MAD1L1: variants seen among roughly 807,000 people sequenced by gnomAD.
MAD1L1 encodes mitotic arrest deficient 1 like 1.
A neutral mutation model predicts 96.9 loss-of-function variants in MAD1L1; 95 were observed. The ratio of observed to expected loss-of-function variants is 0.98; its 90% CI spans 0.83 to 1.16. The LOEUF (loss-of-function observed/expected upper bound fraction) is 1.16. Ranked by LOEUF, MAD1L1 falls within the 50% of genes most tolerant of loss-of-function variation. The pLI is 0.00. For missense variants in MAD1L1, 1,007 were observed against 954.4 expected (o/e 1.06, Z -0.73); for synonymous variants, 473 against 396.6 (o/e 1.19, Z -2.29).
intron 18 of MAD1L1, among the ~76,000 whole-genome samples, chr7:1,856,701 C>T (rs915612305): frequency 9.2e-5 from 14 of 152,188 alleles, no homozygotes; most frequent in Non-Finnish European, 1.6e-4. Flanking sequence ...GGCATAGCCC[C>T]GCCGCGCTCC....
chr7:2,150,376 A>G (rs1029212154), intron 10 of MAD1L1, among the ~76,000 whole-genome samples: 2 of 152,110 alleles, frequency 1.3e-5, no homozygotes, highest in African/African-American at 2.4e-5. Context: ...AACCTCACGC[A>G]CTGGGCCCGA....
At chr7:2,075,419 G>A (rs1785329554) in intron 11 of MAD1L1, among the ~76,000 whole-genome samples, 2 of 152,226 alleles carry the variant, frequency 1.3e-5, no homozygotes, top group African/African-American at 4.8e-5. Context: ...TGTTGGGGAT[G>A]TTCTCTCTGT....
In MAD1L1 at chr7:2,016,086, T is replaced by C. The variant is rs371688055; in HGVS notation, c.1219-1444A>G. On this transcript the variant is annotated intron_variant, in intron 12 of 18. Coordinates refer to ENST00000265854, the MANE Select transcript of MAD1L1 (RefSeq NM_001013836.2). ...TTTGTTGATAAGATGGGAAATGGGG[T>C]GGCCATGAAGACTGATGCTGTCAGG... Among the ~76,000 whole-genome samples the C allele has an allele frequency of 1.9e-4, 29 of 152,162 alleles. 1 individual carries two copies. Among genetic ancestry groups the C allele is most frequent in the African/African-American group, 6.3e-4 (26 of 41,516 alleles).
intron 18 of MAD1L1, among the ~76,000 whole-genome samples, chr7:1,887,008 G>A (rs951344406): frequency 2.6e-5 from 4 of 152,264 alleles, no homozygotes; most frequent in South Asian, 2.1e-4. Context: ...GCGGCAGGGA[G>A]AACAGGAAGA....
intron 11 of MAD1L1, among the ~76,000 whole-genome samples, chr7:2,084,748 C>G (rs1212240288): frequency 6.6e-6 from 1 of 152,178 alleles, no homozygotes; most frequent in Non-Finnish European, 1.5e-5. Context: ...CCCCAGATAA[C>G]CCTGGGAGCC....
chr7:1,914,413 C>A (rs930629853), intron 17 of MAD1L1, among the ~76,000 whole-genome samples: 3 of 152,206 alleles, frequency 2.0e-5, no homozygotes, highest in Non-Finnish European at 4.4e-5. Flanking sequence ...GGAAAGTCGG[C>A]TAGAGATCCG....
At chr7:1,851,031 C>T (rs1262934480) in intron 18 of MAD1L1, among the ~76,000 whole-genome samples, 2 of 152,368 alleles carry the variant, frequency 1.3e-5, no homozygotes, top group South Asian at 2.1e-4. Flanking sequence ...CTGCGTCCAC[C>T]GTGGCAGCCC....
At chr7:1,889,792 A>C (rs1786424238) in intron 18 of MAD1L1, among the ~76,000 whole-genome samples, 1 of 151,990 alleles carries the variant, frequency 6.6e-6, no homozygotes, top group South Asian at 2.1e-4. Flanking sequence ...CTCACCTTCT[A>C]AGCAAGCATG....
intron 12 of MAD1L1, among the ~76,000 whole-genome samples, chr7:2,050,730 TACCCC>T (rs561035152): frequency 0.02 from 3,029 of 152,252 alleles, 105 homozygotes; most frequent in African/African-American, 0.069. Context: ...AGCAGCCCAG[TACCCC>T]CGAGGGCGGC....
At chr7:1,830,343 G>T (rs1019212547) in intron 18 of MAD1L1, among the ~76,000 whole-genome samples, 2 of 152,206 alleles carry the variant, frequency 1.3e-5, no homozygotes, top group African/African-American at 4.8e-5. Context: ...GTTGCAGTGA[G>T]CCGAGATCGT....
intron 12 of MAD1L1, among the ~76,000 whole-genome samples, chr7:2,053,565 G>T (rs970331749): frequency 6.6e-6 from 1 of 152,224 alleles, no homozygotes; most frequent in African/African-American, 2.4e-5. Context: ...CCTGGCGGGC[G>T]GCAGGAAAGC....
chr7:1,981,600 G>A (rs1214160119), intron 14 of MAD1L1, among the ~76,000 whole-genome samples: 1 of 152,142 alleles, frequency 6.6e-6, no homozygotes, highest in Non-Finnish European at 1.5e-5. Context: ...CCAAAGCCCA[G>A]CTCACTCCGT....
At chr7:1,869,497 C>G (rs1050832261) in intron 18 of MAD1L1, among the ~76,000 whole-genome samples, 1 of 151,708 alleles carries the variant, frequency 6.6e-6, no homozygotes, top group Non-Finnish European at 1.5e-5. Context: ...AGCAGGTGAC[C>G]TCCCCAGGGC....
intron 18 of MAD1L1, among the ~76,000 whole-genome samples, chr7:1,866,366 C>CTGCT (rs934856476): frequency 2.0e-5 from 3 of 152,206 alleles, no homozygotes; most frequent in African/African-American, 7.2e-5. Context: ...CTTGCAGAGC[C>CTGCT]TGCTCCTGGA....
At chr7:1,828,477 G>A (rs990252221) in intron 18 of MAD1L1, among the ~76,000 whole-genome samples, 3 of 152,298 alleles carry the variant, frequency 2.0e-5, no homozygotes, top group Admixed American at 1.3e-4. Context: ...ACACTGGGCT[G>A]GACCAGTGCC....
chr7:2,064,127 T>G (rs966265088), intron 12 of MAD1L1, among the ~76,000 whole-genome samples: 2 of 152,184 alleles, frequency 1.3e-5, no homozygotes, highest in Non-Finnish European at 2.9e-5. Context: ...CCAAGGAGGC[T>G]GGGGATGCAG....
chr7:2,104,647 T>C (rs1008050590), intron 11 of MAD1L1, among the ~76,000 whole-genome samples: 1 of 151,586 alleles, frequency 6.6e-6, no homozygotes, highest in Non-Finnish European at 1.5e-5. Flanking sequence ...CCTGAAAACA[T>C]AACTGTTTTA....
intron 18 of MAD1L1, chr7:1,874,668 G>A (rs1225747516): frequency 5.1e-6 from 2 of 388,686 alleles, no homozygotes; most frequent in Admixed American, 3.1e-5. Flanking sequence ...AAAGCAGCTC[G>A]CAGCACACCA....
chr7:1,923,874 C>G (rs1788942804), intron 17 of MAD1L1, among the ~76,000 whole-genome samples: 1 of 152,232 alleles, frequency 6.6e-6, no homozygotes, highest in African/African-American at 2.4e-5. Flanking sequence ...AGGACCCAGC[C>G]AGGACTGTGG....
Sources: allele counts gnomAD v4.1 joint callset (sites outside exome capture counted in the v4.1 genomes callset), GRCh38; gene constraint gnomAD v4.1.1; transcripts MANE v1.5; gene names NCBI Gene and HGNC (gene_info 2026-07-23, HGNC 2026-07-21).